The following DHX36 variants were observed in gnomAD, a reference collection of about 807,000 sequenced individuals.
The protein encoded by DHX36 is ATP-dependent DNA/RNA helicase DHX36.
A neutral mutation model predicts 139.0 loss-of-function variants in DHX36; 50 were observed. That is an observed-to-expected ratio of 0.36 (90% confidence interval 0.29 to 0.46). The LOEUF is 0.46. Ranked by LOEUF, DHX36 falls within the 20% of genes least tolerant of loss-of-function variation. The pLI is 1.00. For missense variants in DHX36, 1,024 were observed against 1,211.3 expected, an observed-to-expected ratio of 0.85 and a Z score of 2.29; for synonymous variants, 425 against 401.9, an observed-to-expected ratio of 1.06 and a Z score of -0.69.
chr3:154,313,367 C>G (rs1712843980), intron 3 of DHX36, among the ~76,000 whole-genome samples: 1 of 152,120 alleles, frequency 6.6e-6, no homozygotes, highest in Non-Finnish European at 1.5e-5. Flanking sequence ...CAGGAAATAT[C>G]TTATTACTCT....
At chr3:154,292,224 T>G (rs755224488) in intron 15 of DHX36, among the ~76,000 whole-genome samples, 6 of 152,204 alleles carry the variant, frequency 3.9e-5, no homozygotes, top group Non-Finnish European at 8.8e-5. Context: ...GTTCAGGAGA[T>G]GATCTGACAC....
chr3:154,284,559 C>T, intron 19 of DHX36, 24 bp downstream of exon 19: 2 of 1,533,788 alleles, frequency 1.3e-6, no homozygotes, highest in Non-Finnish European at 1.8e-6. Flanking sequence ...TATCATAATC[C>T]AGGACAAAAT....
rs1719121352 is a variant in DHX36 at position 154,275,524 on chromosome 3, G to A, written c.*647C>T. The A allele has an allele frequency of 6.6e-6, 1 of 152,594 alleles. No homozygotes were observed. Among genetic ancestry groups the A allele is most frequent in the African/African-American group, 2.4e-5 (1 of 41,446 alleles). The allele number at this position is 152,594 out of a possible 1,614,324, so 9.5% of individuals were successfully genotyped here. ...TGACAGAGCTGAGACTGGAACTGAGGTAATCAGGCTCCAGACCGTGCTCTC... is the reference window on the plus strand; with the variant it reads ...TGACAGAGCTGAGACTGGAACTGAGATAATCAGGCTCCAGACCGTGCTCTC... On this transcript the variant is annotated 3_prime_UTR_variant, in exon 25 of 25. Coordinates refer to ENST00000496811, the MANE Select transcript of DHX36 (RefSeq NM_020865.3).
In DHX36 at chr3:154,277,510, T is replaced by A. The variant is rs73875341; in HGVS notation, c.2688+88A>T. ...GGAATAAGACACAACAAAAAAAAAA[T>A]TTTGTATATAATTGTTAAAACTACA... On this transcript the variant is annotated intron_variant, in intron 23 of 24. Transcript: ENST00000496811. The A allele has an allele frequency of 2.2e-3, 2,901 of 1,321,578 alleles. 44 individuals are homozygous for A. In the African/African-American group the frequency reaches 0.039, roughly 18 times the overall value. 81.9% of individuals were successfully genotyped at this position (1,321,578 alleles called of 1,614,324 possible).
rs1719120414 is a variant in DHX36, at chr3:154,275,486, G to A, written c.*685C>T. ...GATAAGGAAAAAGGAGAGAAGCCAA[G>A]ACACTGACTAACTGACAGAGCTGAG... On this transcript the variant is annotated 3_prime_UTR_variant, in exon 25 of 25. Coordinates refer to ENST00000496811, the MANE Select transcript of DHX36 (RefSeq NM_020865.3). 1 of 152,470 alleles carries A rather than the reference G, an allele frequency of 6.6e-6. No homozygotes were observed. Among genetic ancestry groups the A allele is most frequent in the African/African-American group, 2.4e-5 (1 of 41,414 alleles). 9.4% of individuals were successfully genotyped at this position (152,470 alleles called of 1,614,324 possible). A position where few individuals can be genotyped will look rare whatever the true frequency, so the allele number is the denominator to read the frequency against.
chr3:154,308,095 T>A (rs936469100), intron 5 of DHX36, among the ~76,000 whole-genome samples: 1 of 152,148 alleles, frequency 6.6e-6, no homozygotes, highest in Admixed American at 6.5e-5. Context: ...GGACAGATGA[T>A]GAGAAATTAC....
chr3:154,324,146 T>A, intron 1 of DHX36, 28 bp downstream of exon 1: 1 of 1,588,616 alleles, frequency 6.3e-7, no homozygotes. Context: ...TGCTGCCTCA[T>A]CCTCTCCACT....
At chr3:154,285,063 A>G (rs1384204163) in intron 17 of DHX36, 76 bp from the exon 18 acceptor site, 2 of 1,448,044 alleles carry the variant, frequency 1.4e-6, no homozygotes, top group African/African-American at 2.8e-5. Context: ...TTGCTTTAAA[A>G]AGAGTAACAA....
chr3:154,310,123 G>T (rs1050704625), intron 4 of DHX36, among the ~76,000 whole-genome samples: 1 of 152,068 alleles, frequency 6.6e-6, no homozygotes, highest in Non-Finnish European at 1.5e-5. Flanking sequence ...TGATATGTGG[G>T]GCTACTGAGT....
chr3:154,314,932 T>C (rs1712905240), intron 3 of DHX36, 114 bp downstream of exon 3: 2 of 702,468 alleles, frequency 2.8e-6, no homozygotes, highest in East Asian at 2.7e-5. Flanking sequence ...CCCACAGGGA[T>C]GTCTTGTTGA....
rs1719108402 is a variant in DHX36 at position 154,275,144 on chromosome 3, C to G, written c.*1027G>C. On this transcript the variant is annotated 3_prime_UTR_variant, in exon 25 of 25. Coordinates refer to ENST00000496811, the MANE Select transcript of DHX36 (RefSeq NM_020865.3). Reference sequence around the variant, plus strand: ...GTATCTGTGGGGGACTGGTTTCCAACCCCAACCCCTCAAATACCTAAATCC... The same window carrying G: ...GTATCTGTGGGGGACTGGTTTCCAAGCCCAACCCCTCAAATACCTAAATCC... 1 of 152,134 alleles carries G rather than the reference C, an allele frequency of 6.6e-6. No individual in the cohort carries two copies. The highest frequency in any genetic ancestry group is 1.5e-5 in the Non-Finnish European group (1 of 68,060). 9.4% of individuals were successfully genotyped at this position (152,134 alleles called of 1,614,324 possible).
At chr3:154,299,320 T>C (rs973156848) in intron 12 of DHX36, among the ~76,000 whole-genome samples, 1 of 152,220 alleles carries the variant, frequency 6.6e-6, no homozygotes, top group African/African-American at 2.4e-5. Flanking sequence ...TAGAATTTTC[T>C]TTGTAGTTTT....
intron 14 of DHX36, 61 bp from the exon 15 acceptor site, chr3:154,292,755 AC>A: frequency 6.6e-7 from 1 of 1,519,794 alleles, no homozygotes; most frequent in Non-Finnish European, 9.0e-7. Flanking sequence ...ACACACACAC[AC>A]ACACATCGAA....
chr3:154,273,059 A>C lies in DHX36; in HGVS notation c.*3112T>G, dbSNP rs1719043233. 6.6e-6 allele frequency: 1 copy of C among 152,122 alleles called. No individual in the cohort carries two copies. Among genetic ancestry groups the C allele is most frequent in the Admixed American group, 6.5e-5 (1 of 15,274 alleles). 9.4% of individuals were successfully genotyped at this position (152,122 alleles called of 1,614,324 possible). Reference sequence around the variant, plus strand: ...TTTAATTTCTTTTGTTTTTTTCCTGAAAGTTTCTGTTTCAGGTTTTTTTTT... The same window carrying C: ...TTTAATTTCTTTTGTTTTTTTCCTGCAAGTTTCTGTTTCAGGTTTTTTTTT... On this transcript the variant is annotated 3_prime_UTR_variant, in exon 25 of 25. Transcript: ENST00000496811.
intron 12 of DHX36, among the ~76,000 whole-genome samples, chr3:154,299,128 C>T (rs1422411460): frequency 6.6e-6 from 1 of 151,668 alleles, no homozygotes; most frequent in Non-Finnish European, 1.5e-5. Context: ...AGAAAGTCAG[C>T]CGGGCATGGT....
chr3:154,309,769 C>T lies in DHX36; in HGVS notation c.697G>A (p.Gly233Ser), dbSNP rs1410646805. ...HQVTVISGETGCGKTTQVTQF... is the reference protein window; with the variant it reads ...HQVTVISGETSCGKTTQVTQF... ...GTAACTTGAGTGGTTTTGCCACAACCAGTTTCACCACTTATTACTGTTACC... is the reference window on the plus strand; with the variant it reads ...GTAACTTGAGTGGTTTTGCCACAACTAGTTTCACCACTTATTACTGTTACC... The change falls in exon 5 of 25, where the codon GGT becomes AGT. Residue 233 changes from glycine (G) to serine (S), a missense_variant. Physicochemically the swap from Gly to Ser is moderately conservative, Grantham distance 56. Around this residue, in one of 4 missense-constraint regions of DHX36, gnomAD observed 146 missense variants for 215.0 expected, o/e 0.68. Transcript: ENST00000496811. 6.2e-7 allele frequency: 1 copy of T among 1,612,438 alleles called. No homozygotes were observed. Among genetic ancestry groups the T allele is most frequent in the South Asian group, 1.1e-5 (1 of 90,862 alleles).
At chr3:154,276,927 A>C in intron 23 of DHX36, 28 bp from the exon 24 acceptor site, 1 of 1,593,168 alleles carries the variant, frequency 6.3e-7, no homozygotes, top group Non-Finnish European at 8.5e-7. Context: ...GTGAATTAAT[A>C]CATTCAGGAG....
chr3:154,299,450 T>C (rs939416040), intron 12 of DHX36, among the ~76,000 whole-genome samples: 9 of 152,188 alleles, frequency 5.9e-5, no homozygotes, highest in Non-Finnish European at 1.0e-4. Flanking sequence ...TCAAAATCAC[T>C]TGAGGAATTT....
intron 15 of DHX36, among the ~76,000 whole-genome samples, chr3:154,291,026 T>C (rs1711781627): frequency 7.0e-6 from 1 of 143,790 alleles, no homozygotes; most frequent in Non-Finnish European, 1.5e-5. Context: ...TCCCAGCTAC[T>C]TGGGAGGCTG....
Sources: gnomAD v4.1 joint callset for allele counts (sites outside exome capture counted in the v4.1 genomes callset) on GRCh38, gnomAD v4.1.1 for gene constraint, gnomAD v4.1.1 regional missense constraint, MANE v1.5 for transcripts, NCBI Gene and HGNC (gene_info 2026-07-23, HGNC 2026-07-21) for gene names.